Variants in TRPC1 observed in about 807,000 individuals in gnomAD.
The protein encoded by TRPC1 is short transient receptor potential channel 1.
Under a neutral mutation model 88.2 loss-of-function variants are expected in TRPC1, and 42 were observed. The ratio of observed to expected loss-of-function variants is 0.48; its 90% CI spans 0.37 to 0.62. TRPC1 has a LOEUF of 0.62. Among genes scored for constraint, TRPC1 ranks in the 20% least tolerant of loss-of-function variants. The pLI is 0.00. For synonymous variants in TRPC1, 288 were observed against 331.8 expected (o/e 0.87, Z 1.43); for missense variants, 699 against 957.3 (o/e 0.73, Z 3.56).
chr3:142,771,309 T>C (rs7638459), intron 4 of TRPC1, among the ~76,000 whole-genome samples: 52,955 of 152,058 alleles, frequency 0.35, 12,704 homozygotes, highest in African/African-American at 0.69. Context: ...TTGTCATATA[T>C]ATTGTAACTT....
At chr3:142,793,341 G>A (rs953759178) in intron 9 of TRPC1, among the ~76,000 whole-genome samples, 1 of 152,004 alleles carries the variant, frequency 6.6e-6, no homozygotes, top group Admixed American at 6.6e-5. Context: ...AGGAGGACCT[G>A]TGCAAACAAA....
At chr3:142,763,597 A>G (rs1254786785) in intron 4 of TRPC1, among the ~76,000 whole-genome samples, 2 of 152,014 alleles carry the variant, frequency 1.3e-5, no homozygotes, top group African/African-American at 4.8e-5. Flanking sequence ...TGAAGGCAGC[A>G]TATAGTTGGG....
chr3:142,784,891 CT>C lies in TRPC1; in HGVS notation c.1152del (p.Phe384LeufsTer2). 1 of 1,614,058 alleles carries C rather than the reference CT, an allele frequency of 6.2e-7. No individual in the cohort carries two copies. The highest frequency in any genetic ancestry group is 8.5e-7 in the Non-Finnish European group (1 of 1,179,978). On this transcript the variant is annotated frameshift_variant, in exon 7 of 13. Transcript: ENST00000476941. LOFTEE classifies it high-confidence loss of function. ...CAGTTTGGCAGAATCATTCACACAC[CT>C]TTTATGAAATTTATCATTCATGGAG... ...KSQFGRIIHT[P>X]FMKFIIHGAS... is the part of the protein sequence containing the mutation.
chr3:142,755,392 T>C (rs1242002428), intron 4 of TRPC1, among the ~76,000 whole-genome samples: 1 of 152,114 alleles, frequency 6.6e-6, no homozygotes, highest in Non-Finnish European at 1.5e-5. Flanking sequence ...ACCATTGCAC[T>C]CCAGCCTGGG....
intron 7 of TRPC1, among the ~76,000 whole-genome samples, chr3:142,786,619 T>G (rs1936140347): frequency 6.6e-6 from 1 of 152,184 alleles, no homozygotes; most frequent in Admixed American, 6.5e-5. Context: ...TATATGGTTT[T>G]ATATTGGACT....
In TRPC1 at chr3:142,805,119, A is replaced by AAT. The variant is rs202232627; in HGVS notation, c.2154+499_2154+500dup. Among the ~76,000 whole-genome samples, 777 of 95,968 alleles carry AAT rather than the reference A, an allele frequency of 8.1e-3. 5 individuals carry two copies. The highest frequency in any genetic ancestry group is 0.033 in the African/African-American group (722 of 21,860). The allele number at this position is 95,968 out of a possible 152,430, so 63.0% of individuals were successfully genotyped here. ...CCACCTCAGAACAAACAAACAAACA[A>AAT]ATATATATATACACACACACACACA... On this transcript the variant is annotated intron_variant, in intron 12 of 12. Coordinates refer to ENST00000476941, the MANE Select transcript of TRPC1 (RefSeq NM_001251845.2).
At chr3:142,805,119 A>AATAT (rs202232627) in intron 12 of TRPC1, among the ~76,000 whole-genome samples, 6 of 95,950 alleles carry the variant, frequency 6.3e-5, no homozygotes, top group African/African-American at 2.7e-4. Context: ...CAAACAAACA[A>AATAT]ATATATATAT....
At chr3:142,732,013 G>A (rs1417551523) in intron 1 of TRPC1, among the ~76,000 whole-genome samples, 2 of 152,134 alleles carry the variant, frequency 1.3e-5, no homozygotes. Context: ...AGAGTGCATG[G>A]CCCACAAAGC....
chr3:142,764,932 G>A (rs2199714), intron 4 of TRPC1, among the ~76,000 whole-genome samples: 10,671 of 152,056 alleles, frequency 0.07, 1,222 homozygotes, highest in African/African-American at 0.24. Flanking sequence ...CTTATAGGCA[G>A]TCTTTGTTCC....
At chr3:142,762,876 G>A (rs1935235054) in intron 4 of TRPC1, among the ~76,000 whole-genome samples, 1 of 152,064 alleles carries the variant, frequency 6.6e-6, no homozygotes, top group Non-Finnish European at 1.5e-5. Context: ...ATATTCCCAT[G>A]TTCATTTGTT....
chr3:142,730,467 C>A (rs978341820), intron 1 of TRPC1, among the ~76,000 whole-genome samples: 1 of 151,978 alleles, frequency 6.6e-6, no homozygotes, highest in South Asian at 2.1e-4. Context: ...TTTAGCCTAC[C>A]ATGTTTTTTA....
At position 142,761,385 on chromosome 3, in the gene TRPC1, T is replaced by A. The variant is rs1935179628; in HGVS notation, c.632+12925T>A. 2.0e-5 allele frequency among the ~76,000 whole-genome samples: 3 copies of A among 152,222 alleles called. No individual in the cohort carries two copies. In the South Asian group the frequency reaches 6.2e-4, roughly 32 times the overall value. On this transcript the variant is annotated intron_variant, in intron 4 of 12. Transcript: ENST00000476941. ...CATGTATCATGTCTATTGATACATA[T>A]ATGTTGAATCATTCTTGCATCTCTG...
At chr3:142,770,253 C>T (rs761663264) in intron 4 of TRPC1, among the ~76,000 whole-genome samples, 7 of 151,850 alleles carry the variant, frequency 4.6e-5, no homozygotes, top group Admixed American at 1.3e-4. Context: ...TGCACCACCA[C>T]GTCTGGCTAA....
chr3:142,751,069 T>C (rs947704429), intron 4 of TRPC1, among the ~76,000 whole-genome samples: 2 of 152,302 alleles, frequency 1.3e-5, no homozygotes, highest in African/African-American at 4.8e-5. Flanking sequence ...AGTTAAAATT[T>C]AAAGTTTACA....
intron 6 of TRPC1, among the ~76,000 whole-genome samples, chr3:142,781,705 G>T (rs909206010): frequency 1.3e-5 from 2 of 151,936 alleles, no homozygotes; most frequent in Non-Finnish European, 2.9e-5. Context: ...TCATTTTTGA[G>T]ATAATTAACT....
At position 142,767,841 on chromosome 3, in the gene TRPC1, G is replaced by A. The variant is rs1935449670; in HGVS notation, c.633-9791G>A. Among the ~76,000 whole-genome samples, 1 of 151,468 alleles carries A rather than the reference G, an allele frequency of 6.6e-6. No homozygotes were observed. The highest frequency in any genetic ancestry group is 2.4e-5 in the African/African-American group (1 of 41,324). The stretch of plus-strand genomic sequence containing the variant: ...ATCTGCATATCTTTATTAGATATAT[G>A]TCTGTTCAAATTGTTTTCTTAGTTT... On this transcript the variant is annotated intron_variant, in intron 4 of 12. Coordinates refer to ENST00000476941, the MANE Select transcript of TRPC1 (RefSeq NM_001251845.2). This position sits in a 1 kb window ranked among gnomAD's most constrained non-coding sequence, Gnocchi z 5.1.
chr3:142,768,748 TTC>T (rs1935480252), intron 4 of TRPC1, among the ~76,000 whole-genome samples: 1 of 152,100 alleles, frequency 6.6e-6, no homozygotes. Context: ...TAAGAATTTT[TTC>T]TTTTAGAGAT....
chr3:142,764,451 G>T, intron 4 of TRPC1, among the ~76,000 whole-genome samples: 1 of 152,216 alleles, frequency 6.6e-6, no homozygotes, highest in South Asian at 2.1e-4. Flanking sequence ...GGATCTGGTA[G>T]TGATGAATTG....
intron 5 of TRPC1, among the ~76,000 whole-genome samples, chr3:142,778,830 C>A (rs1385604107): frequency 1.3e-5 from 2 of 151,978 alleles, no homozygotes; most frequent in African/African-American, 4.8e-5. Context: ...GTTCCAGAAA[C>A]TGAAAAAAGA....
Sources: allele counts gnomAD v4.1 joint callset (sites outside exome capture counted in the v4.1 genomes callset), GRCh38; gene constraint gnomAD v4.1.1; non-coding constraint Gnocchi (gnomAD v3.1); transcripts MANE v1.5; gene names NCBI Gene and HGNC (gene_info 2026-07-23, HGNC 2026-07-21).